Variants in ZFYVE26 observed in about 807,000 individuals in gnomAD.
ZFYVE26 encodes zinc finger FYVE-type containing 26.
In ZFYVE26, 181 loss-of-function variants were observed where a neutral mutation model predicts 276.5. The observed-to-expected ratio is 0.65, with a 90% CI of 0.58 to 0.74. ZFYVE26 has a LOEUF of 0.74. Among genes scored for constraint, ZFYVE26 ranks in the 30% least tolerant of loss-of-function variants. The probability of loss-of-function intolerance (pLI) is 0.00; values close to 1 mark genes in which losing one functional copy is unlikely to be tolerated. For synonymous variants in ZFYVE26, 1,129 were observed against 1,203.1 expected (o/e 0.94, Z 1.27); for missense variants, 2,821 against 3,097.9 (o/e 0.91, Z 2.12).
In ZFYVE26 at chr14:67,777,548, T is replaced by C. The variant is rs201944263; in HGVS notation, c.4974+11A>G. ...CACATACAGCGCCTGGATTTCACGG[T>C]GTATCCTTACCTTGGATCCCACATA... is the stretch of plus-strand genomic sequence containing the variant. On this transcript the variant is annotated intron_variant, in intron 25 of 41. Coordinates refer to ENST00000347230, the MANE Select transcript of ZFYVE26 (RefSeq NM_015346.4). The C allele has an allele frequency of 1.7e-5, 28 of 1,613,494 alleles. No individual in the cohort carries two copies. Among genetic ancestry groups the C allele is most frequent in the Non-Finnish European group, 2.3e-5 (27 of 1,179,874 alleles).
chr14:67,792,172 G>T (rs1326547311), intron 14 of ZFYVE26, among the ~76,000 whole-genome samples: 1 of 151,934 alleles, frequency 6.6e-6, no homozygotes, highest in East Asian at 1.9e-4. Flanking sequence ...ATCAGAGAAG[G>T]TTAAGTAAAA....
chr14:67,750,041 C>T (rs927044864), intron 41 of ZFYVE26, among the ~76,000 whole-genome samples: 11 of 152,132 alleles, frequency 7.2e-5, no homozygotes, highest in African/African-American at 1.4e-4. Flanking sequence ...CCAGAAATAG[C>T]GTCTCTGTCC....
rs1291059029 is a variant in ZFYVE26, at chr14:67,748,004, G to C, written c.*432C>G. On this transcript the variant is annotated 3_prime_UTR_variant, in exon 42 of 42. Coordinates refer to ENST00000347230, the MANE Select transcript of ZFYVE26 (RefSeq NM_015346.4). The stretch of plus-strand genomic sequence containing the variant: ...TACTAAAGCACGTCCACAGAGGGGG[G>C]ACTATACAAACAGGACAACCCGGGT... The C allele has an allele frequency of 1.4e-5, 3 of 207,752 alleles. No homozygotes were observed. Among genetic ancestry groups the C allele is most frequent in the South Asian group, 9.0e-5 (1 of 11,092 alleles). 12.9% of individuals were successfully genotyped at this position (207,752 alleles called of 1,614,324 possible).
chr14:67,798,638 C>G lies in ZFYVE26; in HGVS notation c.1640-16G>C. 1 of 1,613,512 alleles carries G rather than the reference C, an allele frequency of 6.2e-7. No homozygotes were observed. The highest frequency in any genetic ancestry group is 1.6e-4 in the Middle Eastern group (1 of 6,062). The stretch of plus-strand genomic sequence containing the variant: ...TTTGCAGCACCTACAAAAACATGTA[C>G]AAGAGAAGAGGCCAGAGAAAGAGAA... On this transcript the variant is annotated splice_polypyrimidine_tract_variant and intron_variant, in intron 10 of 41. Coordinates refer to ENST00000347230, the MANE Select transcript of ZFYVE26 (RefSeq NM_015346.4).
At chr14:67,749,104 A>G (rs1462701218) in intron 41 of ZFYVE26, among the ~76,000 whole-genome samples, 3 of 152,182 alleles carry the variant, frequency 2.0e-5, no homozygotes, top group African/African-American at 7.2e-5. Flanking sequence ...CTCCTGTAGT[A>G]TTCCTGGCAC....
At chr14:67,764,644 G>A (rs959579019) in intron 32 of ZFYVE26, among the ~76,000 whole-genome samples, 1 of 152,166 alleles carries the variant, frequency 6.6e-6, no homozygotes, top group African/African-American at 2.4e-5. Context: ...CGACACATGT[G>A]AGCAATGAAT....
chr14:67,814,353 T>TACTA (rs1770625410), intron 2 of ZFYVE26, among the ~76,000 whole-genome samples: 1 of 152,102 alleles, frequency 6.6e-6, no homozygotes, highest in East Asian at 1.9e-4. Context: ...ACCCCATCTC[T>TACTA]ACTAAAAATA....
intron 5 of ZFYVE26, among the ~76,000 whole-genome samples, chr14:67,806,911 C>T (rs74061342): frequency 6.6e-6 from 1 of 152,096 alleles, no homozygotes. Flanking sequence ...CTCTATCTTA[C>T]ACTAGAAAAC....
In ZFYVE26 at chr14:67,748,437, C is replaced by T; in HGVS notation, c.7619G>A (p.Ter2540=). The change falls in exon 42 of 42, where the codon TGA becomes TAA. Residue 2540 remains the stop codon, a stop_retained_variant. Transcript: ENST00000347230. ...TGTTCCTGGCCCCACTGCCCAAGGT[C>T]ACTTCCTGGAGCCTGGGCCATGGGC... ...RGAHGPGSRK[*] is the part of the protein sequence containing the mutation. 1 of 1,611,968 alleles carries T rather than the reference C, an allele frequency of 6.2e-7. No individual in the cohort carries two copies. Among genetic ancestry groups the T allele is most frequent in the Non-Finnish European group, 8.5e-7 (1 of 1,179,856 alleles).
chr14:67,797,940 T>C (rs2039991444), intron 11 of ZFYVE26, 74 bp downstream of exon 11: 1 of 1,609,968 alleles, frequency 6.2e-7, no homozygotes, highest in Non-Finnish European at 8.5e-7. Flanking sequence ...TATGTACTCC[T>C]AGCTCTCTCC....
At chr14:67,799,342 G>A in intron 10 of ZFYVE26, 1 of 1,611,598 alleles carries the variant, frequency 6.2e-7, no homozygotes, top group South Asian at 1.1e-5. Context: ...CCAGAGCGGT[G>A]CAATCCTATA....
intron 34 of ZFYVE26, 46 bp downstream of exon 34, chr14:67,762,157 T>G: frequency 1.9e-6 from 3 of 1,590,504 alleles, no homozygotes; most frequent in Non-Finnish European, 1.7e-6. Context: ...TTGCTATTCC[T>G]GGGTCTCCCT....
At position 67,785,839 on chromosome 14, in the gene ZFYVE26, C is replaced by T. The variant is rs1365374741; in HGVS notation, c.3304+19G>A. ...CCCCAGTTCAGCTTTTATTTGTTCC[C>T]AAGCAGACAGCCTTATACCTGGCAG... On this transcript the variant is annotated intron_variant, in intron 18 of 41. Coordinates refer to ENST00000347230, the MANE Select transcript of ZFYVE26 (RefSeq NM_015346.4). 1.2e-6 allele frequency: 2 copies of T among 1,613,942 alleles called. No individual in the cohort carries two copies. The highest frequency in any genetic ancestry group is 3.3e-5 in the Admixed American group (2 of 60,014).
chr14:67,737,434 A>G (rs571300447), intron 13 of ZFYVE26, among the ~76,000 whole-genome samples: 38 of 152,296 alleles, frequency 2.5e-4, no homozygotes, highest in African/African-American at 9.1e-4. Flanking sequence ...AGAGAGAGAG[A>G]GTGCAGGGGA....
chr14:67,768,805 GGT>G (rs1252815853), intron 29 of ZFYVE26, among the ~76,000 whole-genome samples: 1 of 152,118 alleles, frequency 6.6e-6, no homozygotes, highest in Non-Finnish European at 1.5e-5. Flanking sequence ...GAGTAAGTAT[GGT>G]GTGTCTTCCT....
At chr14:67,810,020 G>A (rs530296500) in intron 3 of ZFYVE26, among the ~76,000 whole-genome samples, 5 of 152,018 alleles carry the variant, frequency 3.3e-5, no homozygotes, top group South Asian at 4.2e-4. Flanking sequence ...TCCTGACCTC[G>A]TGATCCGCCT....
rs553723785 is a variant in ZFYVE26, at chr14:67,785,791, C to T, written c.3304+67G>A. 2.3e-5 allele frequency: 37 copies of T among 1,607,950 alleles called. No homozygotes were observed. In the East Asian group the frequency reaches 3.6e-4, roughly 16 times the overall value. On this transcript the variant is annotated intron_variant, in intron 18 of 41. Coordinates refer to ENST00000347230, the MANE Select transcript of ZFYVE26 (RefSeq NM_015346.4). ...CCCAAGCCTCTGCTCCAAAGTGCTT[C>T]GTTACTCTCAGCTGTTTCCTCTCCC...
intron 28 of ZFYVE26, 25 bp downstream of exon 28, chr14:67,772,022 G>A: frequency 6.2e-7 from 1 of 1,608,406 alleles, no homozygotes; most frequent in Non-Finnish European, 8.5e-7. Flanking sequence ...TCCTGAGGGT[G>A]ACAGTGGAGA....
At position 67,752,255 on chromosome 14, in the gene ZFYVE26, G is replaced by A. The variant is rs571921304; in HGVS notation, c.7371+89C>T. ...GATAAAAGGATCTTGTAGAGTTTCA[G>A]GCACATTATGGAAAACAGAACAATA... On this transcript the variant is annotated intron_variant, in intron 40 of 41. Transcript: ENST00000347230. The A allele has an allele frequency of 6.3e-5, 92 of 1,462,544 alleles. 1 individual carries two copies. In the Middle Eastern group the frequency reaches 1.6e-3, roughly 25 times the overall value. 90.6% of individuals were successfully genotyped at this position (1,462,544 alleles called of 1,614,324 possible). A position where few individuals can be genotyped will look rare whatever the true frequency, so the allele number is the denominator to read the frequency against.
Sources: allele counts gnomAD v4.1 joint callset (sites outside exome capture counted in the v4.1 genomes callset), GRCh38; gene constraint gnomAD v4.1.1; transcripts MANE v1.5; gene names NCBI Gene and HGNC (gene_info 2026-07-23, HGNC 2026-07-21).